HEATR5A: variants seen among roughly 807,000 people sequenced by gnomAD.
HEATR5A encodes HEAT repeat containing 5A.
A neutral mutation model predicts 218.8 loss-of-function variants in HEATR5A; 178 were observed. That is an observed-to-expected ratio of 0.81 (90% CI 0.72 to 0.92). The LOEUF (loss-of-function observed/expected upper bound fraction) is 0.92. Among genes scored for constraint, HEATR5A ranks in the 40% least tolerant of loss-of-function variants. The pLI, the probability that HEATR5A is intolerant of heterozygous loss-of-function variation, is 0.00. For missense variants in HEATR5A, 2,420 were observed against 2,418.9 expected, an observed-to-expected ratio of 1.00 and a Z score of -0.01; for synonymous variants, 864 against 871.6, an observed-to-expected ratio of 0.99 and a Z score of 0.15.
chr14:31,310,749 G>A (rs996022537), intron 28 of HEATR5A, among the ~76,000 whole-genome samples: 3 of 151,866 alleles, frequency 2.0e-5, no homozygotes, highest in East Asian at 1.9e-4. Context: ...TCATTTTTCT[G>A]TTGTGTAAAT....
At position 31,333,342 on chromosome 14, in the gene HEATR5A, G is replaced by A. The variant is rs186853883; in HGVS notation, c.3367+4134C>T. Among the ~76,000 whole-genome samples the A allele has an allele frequency of 2.3e-4, 35 of 152,018 alleles. No homozygotes were observed. The East Asian group carries it at 3.7e-3, about 16-fold the overall frequency. On this transcript the variant is annotated intron_variant, in intron 22 of 35. Coordinates refer to ENST00000543095, the MANE Select transcript of HEATR5A (RefSeq NM_015473.4). ...TGGCTCACTGCAACCTCTGCCTCCC[G>A]GGTTCAAGCTATTCTCGTGCCTCAG...
At chr14:31,310,662 G>A (rs144997191) in intron 28 of HEATR5A, among the ~76,000 whole-genome samples, 3,234 of 151,744 alleles carry the variant, frequency 0.021, 85 homozygotes, top group African/African-American at 0.067. Context: ...AAATAAATAA[G>A]TAAATAAATA....
At chr14:31,417,035 G>A (rs2031473984) in intron 1 of HEATR5A, among the ~76,000 whole-genome samples, 1 of 151,928 alleles carries the variant, frequency 6.6e-6, no homozygotes, top group Admixed American at 6.6e-5. Flanking sequence ...ACACTCCAAT[G>A]ACTCTGTCTC....
chr14:31,354,172 C>T (rs1175178534), intron 16 of HEATR5A, among the ~76,000 whole-genome samples: 1 of 151,496 alleles, frequency 6.6e-6, no homozygotes, highest in Non-Finnish European at 1.5e-5. Context: ...GTAAATGTGA[C>T]AACAATGGGG....
chr14:31,309,588 C>A (rs1327474762), intron 28 of HEATR5A, among the ~76,000 whole-genome samples: 1 of 152,114 alleles, frequency 6.6e-6, no homozygotes, highest in Non-Finnish European at 1.5e-5. Context: ...TAATTAGTAA[C>A]TTTTTATAAT....
Position 31,293,295 on chromosome 14 carries a change from A to C in HEATR5A, c.*10T>G. The C allele has an allele frequency of 7.9e-7, 1 of 1,270,240 alleles. No individual in the cohort carries two copies. The highest frequency in any genetic ancestry group is 2.5e-5 in the Admixed American group (1 of 40,426). The allele number at this position is 1,270,240 out of a possible 1,614,324, so 78.7% of individuals were successfully genotyped here. A position where few individuals can be genotyped will look rare whatever the true frequency, so the allele number is the denominator to read the frequency against. ...ATTATATTAAGGTGCTTACTATTCC[A>C]AAAAAAAAATCAGAGGAAACTGGTC... On this transcript the variant is annotated 3_prime_UTR_variant, in exon 36 of 36. Coordinates refer to ENST00000543095, the MANE Select transcript of HEATR5A (RefSeq NM_015473.4).
rs112491153 is a variant in HEATR5A at position 31,328,039 on chromosome 14, C to A, written c.3368-1697G>T. Among the ~76,000 whole-genome samples the A allele has an allele frequency of 9.3e-3, 1,415 of 152,256 alleles. 22 individuals are homozygous for A. Among genetic ancestry groups the A allele is most frequent in the African/African-American group, 0.032 (1,342 of 41,558 alleles). ...CACAATCTCACTGCAATCTCTGCCT[C>A]CTGAGTTCAAGCGATTCTCCTGCCT... is the stretch of plus-strand genomic sequence containing the variant. On this transcript the variant is annotated intron_variant, in intron 22 of 35. Transcript: ENST00000543095.
rs1477993563 is a variant in HEATR5A, at chr14:31,407,580, TTATTTATATATATATATATATATATATA to T, written c.-74-4559_-74-4532del. On this transcript the variant is annotated intron_variant, in intron 1 of 35. Coordinates refer to ENST00000543095, the MANE Select transcript of HEATR5A (RefSeq NM_015473.4). ...CATGTACCTGTTATCATCACTTATT[TTATTTATATATATATATATATATATATA>T]TATATATATATATATATATATATAT... is the stretch of plus-strand genomic sequence containing the variant. 6.8e-3 allele frequency among the ~76,000 whole-genome samples: 1,014 copies of T among 149,278 alleles called. 16 individuals are homozygous for T. The highest frequency in any genetic ancestry group is 0.024 in the African/African-American group (963 of 39,806).
At chr14:31,362,197 G>A (rs901316687) in intron 14 of HEATR5A, among the ~76,000 whole-genome samples, 1 of 152,000 alleles carries the variant, frequency 6.6e-6, no homozygotes, top group African/African-American at 2.4e-5. Flanking sequence ...TCGAATTCCT[G>A]ACCTCAAATG....
intron 12 of HEATR5A, among the ~76,000 whole-genome samples, chr14:31,372,372 T>G (rs1005014496): frequency 6.6e-6 from 1 of 152,192 alleles, no homozygotes; most frequent in Non-Finnish European, 1.5e-5. Context: ...AGAAGGGGTT[T>G]CACCATGTTG....
rs1333393949 is a variant in HEATR5A at position 31,293,430 on chromosome 14, T to G, written c.6016A>C (p.Lys2006Gln). 1.9e-6 allele frequency: 3 copies of G among 1,613,890 alleles called. No homozygotes were observed. The highest frequency in any genetic ancestry group is 2.5e-6 in the Non-Finnish European group (3 of 1,179,880). Reference sequence around the variant, plus strand: ...TTTATAGCAGCCTCAAGGCGGGCTTTTAGGGCTGGAGAAGAAGCCACTAAA... The same window carrying G: ...TTTATAGCAGCCTCAAGGCGGGCTTGTAGGGCTGGAGAAGAAGCCACTAAA... The part of the protein sequence containing the change: ...KSLVASSPAL[K>Q]ARLEAAIKGN... The change falls in exon 36 of 36, where the codon AAA (lysine) becomes CAA (glutamine). Residue 2006 changes from lysine to glutamine, a missense_variant. Transcript: ENST00000543095.
At position 31,308,970 on chromosome 14, in the gene HEATR5A, C is replaced by T. The variant is rs1410795129; in HGVS notation, c.4654G>A (p.Glu1552Lys). The change falls in exon 29 of 36, where the codon GAG becomes AAG. Residue 1552 changes from glutamate (E) to lysine (K), a missense_variant. Physicochemically the swap from Glu to Lys is moderately conservative, Grantham distance 56. Coordinates refer to ENST00000543095, the MANE Select transcript of HEATR5A (RefSeq NM_015473.4). ...TGGAATCTATCAGTGTAGACATCCT[C>T]AGGGGACTTTATGGTAGCCCCAGAT... ...SSSGATIKSP[E>K]DVYTDRFHLI... The T allele has an allele frequency of 1.2e-6, 2 of 1,613,712 alleles. No individual in the cohort carries two copies. Among genetic ancestry groups the T allele is most frequent in the Non-Finnish European group, 1.7e-6 (2 of 1,179,800 alleles).
chr14:31,294,013 C>T lies in HEATR5A; in HGVS notation c.5711G>A (p.Cys1904Tyr), dbSNP rs1467088867. The T allele has an allele frequency of 1.9e-6, 3 of 1,604,530 alleles. No homozygotes were observed. The highest frequency in any genetic ancestry group is 2.6e-6 in the Non-Finnish European group (3 of 1,175,242). The change falls in exon 35 of 36, where the codon TGT becomes TAT. Residue 1904 changes from cysteine to tyrosine, a missense_variant. By Grantham distance (194) the Cys-to-Tyr change is radical. Transcript: ENST00000543095. ...SYPYIYSLASCIMEKLQEIDK... is the reference protein window; with the variant it reads ...SYPYIYSLASYIMEKLQEIDK... Reference sequence around the variant, plus strand: ...TATTTCCTGCAGTTTTTCCATGATACAGGATGCTAAAGAGTAAATGTATGG... The same window carrying T: ...TATTTCCTGCAGTTTTTCCATGATATAGGATGCTAAAGAGTAAATGTATGG...
chr14:31,387,310 A>T lies in HEATR5A; in HGVS notation c.999T>A (p.Phe333Leu). ...AWLEKNFAAF[F>L]SHILSLASPS... ...GTGACGCAAGGCTTAGGATATGAGA[A>T]AAAAAGGCAGCAAAATTTTTCTCTA... Residue 333 changes from phenylalanine (F) to leucine (L), a missense_variant, in exon 8 of 36, where the codon TTT (phenylalanine) becomes TTA (leucine). Physicochemically the swap from Phe to Leu is conservative, Grantham distance 22 (BLOSUM62 0). Transcript: ENST00000543095. The T allele has an allele frequency of 6.2e-7, 1 of 1,614,016 alleles. No individual in the cohort carries two copies. The highest frequency in any genetic ancestry group is 8.5e-7 in the Non-Finnish European group (1 of 1,179,880).
chr14:31,341,820 ATCT>A (rs1160359553), intron 21 of HEATR5A, among the ~76,000 whole-genome samples: 5 of 152,318 alleles, frequency 3.3e-5, no homozygotes, highest in Admixed American at 1.3e-4. Context: ...ATTAATGGAA[ATCT>A]TCTACAAGAC....
At chr14:31,304,631 G>A (rs925248762) in intron 32 of HEATR5A, among the ~76,000 whole-genome samples, 24 of 152,100 alleles carry the variant, frequency 1.6e-4, no homozygotes, top group Admixed American at 2.0e-4. Flanking sequence ...TGGTCAGGCT[G>A]GTCTCGAACT....
intron 22 of HEATR5A, among the ~76,000 whole-genome samples, chr14:31,330,934 C>T (rs538799800): frequency 7.3e-6 from 1 of 137,596 alleles, no homozygotes; most frequent in South Asian, 2.4e-4. Flanking sequence ...GCTCTGCTTC[C>T]CTCACCTTTT....
At chr14:31,394,252 A>C (rs1245745001) in intron 5 of HEATR5A, 26 bp from the exon 6 acceptor site, 1 of 1,389,708 alleles carries the variant, frequency 7.2e-7, no homozygotes, top group Non-Finnish European at 9.5e-7. Context: ...AAGAGAAATT[A>C]ATGAAAAATA....
intron 31 of HEATR5A, among the ~76,000 whole-genome samples, chr14:31,305,614 G>C (rs1219340720): frequency 2.0e-5 from 3 of 152,166 alleles, no homozygotes; most frequent in Non-Finnish European, 4.4e-5. Flanking sequence ...GAGGGAGAAA[G>C]AAGTTATGAA....
Sources: gnomAD v4.1 joint callset for allele counts (sites outside exome capture counted in the v4.1 genomes callset) on GRCh38, gnomAD v4.1.1 for gene constraint, MANE v1.5 for transcripts, NCBI Gene and HGNC (gene_info 2026-07-23, HGNC 2026-07-21) for gene names.